Variants in GNB1L observed in about 807,000 individuals in gnomAD.
GNB1L encodes guanine nucleotide-binding protein subunit beta-like protein 1.
In GNB1L, 20 loss-of-function variants were observed where a neutral mutation model predicts 29.1. The observed-to-expected ratio is 0.69, with a 90% CI of 0.48 to 1.00. The LOEUF (loss-of-function observed/expected upper bound fraction) is 1.00. GNB1L is among the 50% of genes least tolerant of loss of function. GNB1L has a pLI of 0.00. For synonymous variants in GNB1L, 193 were observed against 206.5 expected (o/e 0.93, Z 0.56); for missense variants, 421 against 464.9 (o/e 0.91, Z 0.87).
intron 2 of GNB1L, among the ~76,000 whole-genome samples, chr22:19,836,898 G>T (rs184645778): frequency 6.6e-6 from 1 of 151,490 alleles, no homozygotes; most frequent in African/African-American, 2.4e-5. Context: ...CCCTCAGAAA[G>T]CATAATCCAT....
chr22:19,811,413 G>C (rs575814988), intron 5 of GNB1L, among the ~76,000 whole-genome samples: 1 of 151,984 alleles, frequency 6.6e-6, no homozygotes, highest in African/African-American at 2.4e-5. Context: ...CCCCGCCCTC[G>C]GGCCACCATG....
intron 2 of GNB1L, among the ~76,000 whole-genome samples, chr22:19,836,968 AT>A (rs35048764): frequency 4.0e-3 from 577 of 143,740 alleles, no homozygotes; most frequent in Middle Eastern, 0.018. Flanking sequence ...TTGAAAAGAG[AT>A]TTTTTTTTTT....
At chr22:19,838,164 G>A (rs1937797339) in intron 2 of GNB1L, among the ~76,000 whole-genome samples, 1 of 152,218 alleles carries the variant, frequency 6.6e-6, no homozygotes, top group Admixed American at 6.5e-5. Context: ...AAATGCAAGA[G>A]CAACTAAACA....
In GNB1L at chr22:19,784,881, A is replaced by G. The variant is rs921620633; in HGVS notation, c.*3828T>C. On this transcript the variant is annotated 3_prime_UTR_variant, in exon 8 of 8. Transcript: ENST00000329517. The stretch of plus-strand genomic sequence containing the variant: ...ACTCAGGATCCCACTCTGGGCCGTG[A>G]AAGTTACTCCACAGAACACCCCAAG... 2 of 152,260 alleles carry G rather than the reference A, an allele frequency of 1.3e-5. No individual in the cohort carries two copies. Among genetic ancestry groups the G allele is most frequent in the Non-Finnish European group, 2.9e-5 (2 of 68,084 alleles). The allele number at this position is 152,260 out of a possible 1,614,324, so 9.4% of individuals were successfully genotyped here.
At chr22:19,845,848 T>G (rs1937949292) in intron 2 of GNB1L, among the ~76,000 whole-genome samples, 2 of 152,230 alleles carry the variant, frequency 1.3e-5, no homozygotes, top group African/African-American at 4.8e-5. Context: ...GCCTCTGCAT[T>G]TGTGATCCAA....
chr22:19,793,433 C>T (rs894781123), intron 7 of GNB1L, among the ~76,000 whole-genome samples: 1 of 152,090 alleles, frequency 6.6e-6, no homozygotes, highest in African/African-American at 2.4e-5. Context: ...CAAACAGAGC[C>T]TCAGGGGGCC....
At position 19,788,256 on chromosome 22, in the gene GNB1L, C is replaced by T. The variant is rs1386535080; in HGVS notation, c.*453G>A. ...CGCAGCTATGGTTGGGGCCTATCAT[C>T]TCCTGAGGCCTGGCCCAGGAAACCC... On this transcript the variant is annotated 3_prime_UTR_variant, in exon 8 of 8. Coordinates refer to ENST00000329517, the MANE Select transcript of GNB1L (RefSeq NM_053004.3). 2.4e-6 allele frequency: 1 copy of T among 417,794 alleles called. No individual in the cohort carries two copies. Among genetic ancestry groups the T allele is most frequent in the Non-Finnish European group, 4.3e-6 (1 of 232,190 alleles). 25.9% of individuals were successfully genotyped at this position (417,794 alleles called of 1,614,324 possible).
chr22:19,812,522 G>T, intron 4 of GNB1L, 75 bp from the exon 5 acceptor site: 2 of 1,382,020 alleles, frequency 1.4e-6, no homozygotes, highest in Non-Finnish European at 2.0e-6. Flanking sequence ...GCAGCGGAAG[G>T]AAGGCAAGGC....
intron 5 of GNB1L, among the ~76,000 whole-genome samples, chr22:19,809,834 G>A (rs1300747982): frequency 6.6e-6 from 1 of 152,218 alleles, no homozygotes; most frequent in Non-Finnish European, 1.5e-5. Flanking sequence ...ACCCAGGCTG[G>A]TGCCATCACA....
At chr22:19,819,014 G>A (rs60849004) in intron 4 of GNB1L, among the ~76,000 whole-genome samples, 2,130 of 152,212 alleles carry the variant, frequency 0.014, 40 homozygotes, top group African/African-American at 0.048. Context: ...GCCTACCTCC[G>A]GCCTGGTGTC....
chr22:19,836,647 T>C (rs1199889852), intron 2 of GNB1L, among the ~76,000 whole-genome samples: 1 of 152,092 alleles, frequency 6.6e-6, no homozygotes, highest in East Asian at 1.9e-4. Context: ...CAAAATAATA[T>C]CTTGCTGCTT....
chr22:19,839,914 TAA>T (rs1937829800), intron 2 of GNB1L, among the ~76,000 whole-genome samples: 1 of 151,286 alleles, frequency 6.6e-6, no homozygotes, highest in African/African-American at 2.4e-5. Flanking sequence ...ATAATAATAA[TAA>T]GCCAGGTGTG....
intron 2 of GNB1L, among the ~76,000 whole-genome samples, chr22:19,836,234 A>G (rs1937762641): frequency 6.6e-6 from 1 of 152,214 alleles, no homozygotes; most frequent in Non-Finnish European, 1.5e-5. Context: ...CACCAGAAAC[A>G]TTAAAAGGAT....
chr22:19,839,890 TAAC>T (rs1160234477), intron 2 of GNB1L, among the ~76,000 whole-genome samples: 5 of 145,038 alleles, frequency 3.4e-5, no homozygotes, highest in Admixed American at 6.9e-5. Flanking sequence ...ATAATAATAA[TAAC>T]AATAATAATA....
intron 2 of GNB1L, among the ~76,000 whole-genome samples, chr22:19,838,128 C>T (rs1290774980): frequency 1.3e-5 from 2 of 152,232 alleles, no homozygotes; most frequent in Non-Finnish European, 2.9e-5. Context: ...TTTAATTGCA[C>T]AATCTATTTT....
chr22:19,851,234 C>T (rs143975638), intron 2 of GNB1L: 146 of 1,601,444 alleles, frequency 9.1e-5, no homozygotes, highest in Non-Finnish European at 1.2e-4. Flanking sequence ...CTGTGGGGTA[C>T]CTAAGGACAC....
At chr22:19,829,209 A>G (rs1049158576) in intron 2 of GNB1L, among the ~76,000 whole-genome samples, 1 of 152,234 alleles carries the variant, frequency 6.6e-6, no homozygotes, top group African/African-American at 2.4e-5. Context: ...AATACAACCA[A>G]CAAGGTAGAT....
At chr22:19,829,434 A>G (rs1392851483) in intron 2 of GNB1L, among the ~76,000 whole-genome samples, 2 of 152,242 alleles carry the variant, frequency 1.3e-5, no homozygotes, top group Non-Finnish European at 2.9e-5. Context: ...GGTCTTATCA[A>G]ATAGAAATTT....
intron 2 of GNB1L, chr22:19,852,011 C>T (rs975764098): frequency 1.9e-6 from 3 of 1,614,038 alleles, no homozygotes; most frequent in Non-Finnish European, 2.5e-6. Flanking sequence ...GGGCATGTGC[C>T]CAGCTAGGGG....
Sources: allele counts gnomAD v4.1 joint callset (sites outside exome capture counted in the v4.1 genomes callset), GRCh38; gene constraint gnomAD v4.1.1; transcripts MANE v1.5; gene names NCBI Gene and HGNC (gene_info 2026-07-23, HGNC 2026-07-21).